The following PLEKHA1 variants were observed in gnomAD, a reference collection of about 807,000 sequenced individuals.
The protein encoded by PLEKHA1 is pleckstrin homology domain-containing family A member 1.
PLEKHA1 carries 34 observed loss-of-function variants against 52.0 expected under a neutral mutation model. That is an observed-to-expected ratio of 0.65 (90% confidence interval 0.50 to 0.87). PLEKHA1 has a LOEUF of 0.87. Among genes scored for constraint, PLEKHA1 ranks in the 40% least tolerant of loss-of-function variants. PLEKHA1 has a pLI of 0.00. For missense variants in PLEKHA1, 497 were observed against 504.2 expected, an observed-to-expected ratio of 0.99 and a Z score of 0.14; for synonymous variants, 163 against 170.7, an observed-to-expected ratio of 0.95 and a Z score of 0.35.
chr10:122,383,693 A>G (rs536132684), intron 1 of PLEKHA1, among the ~76,000 whole-genome samples: 23 of 152,192 alleles, frequency 1.5e-4, no homozygotes, highest in Admixed American at 5.9e-4. Flanking sequence ...GGTAACAATC[A>G]CAATGCCGTT....
intron 7 of PLEKHA1, 69 bp from the exon 8 acceptor site, chr10:122,417,831 A>T: frequency 1.7e-6 from 2 of 1,168,230 alleles, no homozygotes; most frequent in Non-Finnish European, 1.3e-6. Context: ...ATATCAGGGT[A>T]ATTAAGTGGT....
chr10:122,428,554 CAGAA>C (rs1405179310), intron 11 of PLEKHA1: 30 of 786,850 alleles, frequency 3.8e-5, no homozygotes, highest in African/African-American at 1.6e-4. Flanking sequence ...ACTTTACTAA[CAGAA>C]AGAGACATTA....
In PLEKHA1 at chr10:122,424,274, G is replaced by T. The variant is rs754804384; in HGVS notation, c.746+11G>T. 4 of 1,576,616 alleles carry T rather than the reference G, an allele frequency of 2.5e-6. No homozygotes were observed. Among genetic ancestry groups the T allele is most frequent in the Non-Finnish European group, 3.4e-6 (4 of 1,166,890 alleles). On this transcript the variant is annotated intron_variant, in intron 9 of 11. Transcript: ENST00000368990. ...GGAATGTAAGCAAAGGTAAGGAACCGCTCTGACTTGATGCCTGGCACAAGT... is the reference window on the plus strand; with the variant it reads ...GGAATGTAAGCAAAGGTAAGGAACCTCTCTGACTTGATGCCTGGCACAAGT...
At position 122,429,885 on chromosome 10, in the gene PLEKHA1, G is replaced by T; in HGVS notation, c.1162G>T (p.Asp388Tyr). Residue 388 changes from aspartate (D) to tyrosine (Y), a missense_variant, in exon 12 of 12, where the codon GAT (aspartate) becomes TAT (tyrosine). Transcript: ENST00000368990. ...AAGTAAAAATGGCCCTCAGGAAAAA[G>T]ATTGTGACCTAGTAGACTTGGACGA... ...PQSKNGPQEK[D>Y]CDLVDLDDAS... The T allele has an allele frequency of 6.2e-7, 1 of 1,614,198 alleles. No individual in the cohort carries two copies.
rs766816711 is a variant in PLEKHA1 at position 122,428,319 on chromosome 10, A to T, written c.900+1288A>T. 1.7e-5 allele frequency: 27 copies of T among 1,547,528 alleles called. No homozygotes were observed. The South Asian group carries it at 2.8e-4, about 16-fold the overall frequency. On this transcript the variant is annotated intron_variant, in intron 11 of 11. Transcript: ENST00000368990. Reference sequence around the variant, plus strand: ...CTGTCGAACCCTTGTATACAGAGGTATACATCAAGAGCTGGTGAATGCAGC... The same window carrying T: ...CTGTCGAACCCTTGTATACAGAGGTTTACATCAAGAGCTGGTGAATGCAGC...
At chr10:122,391,364 G>T (rs1386085792) in intron 1 of PLEKHA1, among the ~76,000 whole-genome samples, 2 of 152,128 alleles carry the variant, frequency 1.3e-5, no homozygotes, top group African/African-American at 4.8e-5. Context: ...TCCAAAGTAA[G>T]ATTTACCCTA....
intron 9 of PLEKHA1, 137 bp from the exon 10 acceptor site, chr10:122,424,759 G>A (rs1018569244): frequency 5.5e-5 from 29 of 526,688 alleles, no homozygotes; most frequent in Non-Finnish European, 3.5e-5. Flanking sequence ...AAATAAATGG[G>A]AAAAGATAAT....
chr10:122,412,955 T>A lies in PLEKHA1; in HGVS notation c.378T>A (p.Asp126Glu), dbSNP rs769696094. The A allele has an allele frequency of 1.2e-6, 2 of 1,613,600 alleles. No individual in the cohort carries two copies. ...AGTCAGACTCACAGCCTAATTCTGA[T>A]AACCTAAGTCGCCATGGTGAATGTG... ...PKQSDSQPNS[D>E]NLSRHGECGK... Residue 126 changes from aspartate to glutamate, a missense_variant, in exon 6 of 12, where the codon GAT becomes GAA. By Grantham distance (45) the Asp-to-Glu change is conservative (BLOSUM62 2). Coordinates refer to ENST00000368990, the MANE Select transcript of PLEKHA1 (RefSeq NM_001001974.4).
chr10:122,407,630 G>A (rs1042399954), intron 5 of PLEKHA1, among the ~76,000 whole-genome samples: 2 of 152,154 alleles, frequency 1.3e-5, no homozygotes, highest in African/African-American at 4.8e-5. Context: ...ACGTAGATAG[G>A]CTCTATTTTG....
At chr10:122,416,258 G>C (rs1278061371) in intron 7 of PLEKHA1, among the ~76,000 whole-genome samples, 1 of 151,666 alleles carries the variant, frequency 6.6e-6, no homozygotes, top group Non-Finnish European at 1.5e-5. Flanking sequence ...TTTCCTAACA[G>C]TTTAATGTTT....
At chr10:122,376,035 A>G (rs1230965015) in intron 1 of PLEKHA1, among the ~76,000 whole-genome samples, 1 of 152,108 alleles carries the variant, frequency 6.6e-6, no homozygotes, top group Non-Finnish European at 1.5e-5. Flanking sequence ...TTATTTTCCC[A>G]AGTACTCAGC....
At position 122,430,047 on chromosome 10, in the gene PLEKHA1, C is replaced by G; in HGVS notation, c.*109C>G. 1.7e-6 allele frequency: 2 copies of G among 1,204,198 alleles called. No individual in the cohort carries two copies. The highest frequency in any genetic ancestry group is 1.1e-6 in the Non-Finnish European group (1 of 873,826). 74.6% of individuals were successfully genotyped at this position (1,204,198 alleles called of 1,614,324 possible). ...AATGGTTTTTAGTGCGTATATTATACTGCCTCTTAGGTGTACTCTTTATAA... is the reference window on the plus strand; with the variant it reads ...AATGGTTTTTAGTGCGTATATTATAGTGCCTCTTAGGTGTACTCTTTATAA... On this transcript the variant is annotated 3_prime_UTR_variant, in exon 12 of 12. Coordinates refer to ENST00000368990, the MANE Select transcript of PLEKHA1 (RefSeq NM_001001974.4).
intron 11 of PLEKHA1, chr10:122,428,525 A>G: frequency 9.6e-7 from 1 of 1,038,546 alleles, no homozygotes; most frequent in Non-Finnish European, 1.2e-6. Flanking sequence ...GTATTTAAAA[A>G]TAAAAAATAA....
chr10:122,440,498 A>G, the PLEKHA1 span: 2 of 152,080 alleles, frequency 1.3e-5, no homozygotes, highest in Non-Finnish European at 2.9e-5. Context: ...CACACCTTCA[A>G]TTCTCACCAA....
rs908276670 is a variant in PLEKHA1, at chr10:122,429,675, G to A, written c.952G>A (p.Ala318Thr). The change falls in exon 12 of 12, where the codon GCA becomes ACA. Residue 318 changes from alanine (A) to threonine (T), a missense_variant. By Grantham distance (58) the Ala-to-Thr change is moderately conservative. Transcript: ENST00000368990. ...CAAACACGCTTTCCGTCCTACCAAC[G>A]CAGCCACCGCCACCTCACATTCCAC... The part of the protein sequence containing the change: ...ESKHAFRPTN[A>T]ATATSHSTAS... 7 of 1,613,834 alleles carry A rather than the reference G, an allele frequency of 4.3e-6. No individual in the cohort carries two copies. The highest frequency in any genetic ancestry group is 3.3e-5 in the Admixed American group (2 of 59,980).
At chr10:122,379,855 T>G (rs1287286370) in intron 1 of PLEKHA1, among the ~76,000 whole-genome samples, 1 of 152,216 alleles carries the variant, frequency 6.6e-6, no homozygotes, top group African/African-American at 2.4e-5. Flanking sequence ...CTTATATCAC[T>G]CAGGCTGTTT....
chr10:122,429,436 A>G (rs1040502648), intron 11 of PLEKHA1, among the ~76,000 whole-genome samples, 188 bp from the exon 12 acceptor site: 2 of 151,716 alleles, frequency 1.3e-5, no homozygotes, highest in African/African-American at 4.8e-5. Context: ...ACCTCTAAAA[A>G]CGCGTTGCTT....
At chr10:122,421,789 G>A (rs1360542147) in intron 8 of PLEKHA1, 2 of 152,126 alleles carry the variant, frequency 1.3e-5, no homozygotes, top group African/African-American at 2.4e-5. Context: ...AATTAAAACT[G>A]CAATGAAATA....
At position 122,393,847 on chromosome 10, in the gene PLEKHA1, C is replaced by A. The variant is rs1441521424; in HGVS notation, c.141+506C>A. On this transcript the variant is annotated intron_variant, in intron 2 of 11. Transcript: ENST00000368990. This position sits in a 1 kb window ranked among gnomAD's most constrained non-coding sequence, Gnocchi z 4.5. ...ATTTTTAAATAAATAAATGACTTAACCACATGATACTCTTGCACATATGTA... is the reference window on the plus strand; with the variant it reads ...ATTTTTAAATAAATAAATGACTTAAACACATGATACTCTTGCACATATGTA... Among the ~76,000 whole-genome samples the A allele has an allele frequency of 1.3e-5, 2 of 152,010 alleles. No homozygotes were observed. The highest frequency in any genetic ancestry group is 1.3e-4 in the Admixed American group (2 of 15,258).
Sources: allele counts gnomAD v4.1 joint callset (sites outside exome capture counted in the v4.1 genomes callset), GRCh38; gene constraint gnomAD v4.1.1; non-coding constraint Gnocchi (gnomAD v3.1); transcripts MANE v1.5; gene names NCBI Gene and HGNC (gene_info 2026-07-23, HGNC 2026-07-21).